The following PCNX3 variants were observed in gnomAD, a reference collection of about 807,000 sequenced individuals.
PCNX3 encodes the protein pecanex 3.
In PCNX3, 58 loss-of-function variants were observed where a neutral mutation model predicts 207.2. That is an observed-to-expected ratio of 0.28 (90% CI 0.23 to 0.35). The LOEUF is 0.35. Among genes scored for constraint, PCNX3 ranks in the 10% least tolerant of loss-of-function variants. The probability of loss-of-function intolerance (pLI) is 1.00; values close to 1 mark genes in which losing one functional copy is unlikely to be tolerated. For synonymous variants in PCNX3, 1,337 were observed against 1,183.5 expected (o/e 1.13, Z -2.66); for missense variants, 2,410 against 2,774.4 (o/e 0.87, Z 2.95).
In PCNX3 at chr11:65,618,350, C is replaced by T; in HGVS notation, c.988C>T (p.Pro330Ser). The T allele has an allele frequency of 6.2e-7, 1 of 1,612,128 alleles. No homozygotes were observed. Among genetic ancestry groups the T allele is most frequent in the East Asian group, 2.2e-5 (1 of 44,834 alleles). ...STHLDSPPGG[P>S]APEGSDTDPP... Reference sequence around the variant, plus strand: ...CCATCTGGACAGCCCCCCAGGGGGGCCAGCCCCTGAGGGCAGCGACACAGA... The same window carrying T: ...CCATCTGGACAGCCCCCCAGGGGGGTCAGCCCCTGAGGGCAGCGACACAGA... The change falls in exon 6 of 35, where the codon CCA (proline) becomes TCA (serine). Residue 330 changes from proline (P) to serine (S), a missense_variant. By Grantham distance (74) the Pro-to-Ser change is moderately conservative (BLOSUM62 -1). Coordinates refer to ENST00000355703, the MANE Select transcript of PCNX3 (RefSeq NM_032223.4).
rs2135490052 is a variant in PCNX3, at chr11:65,636,369, CTG to C, written c.5594-20_5594-19del. 1.9e-6 allele frequency: 3 copies of C among 1,579,202 alleles called. No individual in the cohort carries two copies. Among genetic ancestry groups the C allele is most frequent in the Non-Finnish European group, 2.6e-6 (3 of 1,162,262 alleles). ...GAGTGCAGCCCAGCTGAGGCCTCTG[CTG>C]TCTTATCTGTCTCCTACAGGCAATG... On this transcript the variant is annotated intron_variant, in intron 33 of 34. Coordinates refer to ENST00000355703, the MANE Select transcript of PCNX3 (RefSeq NM_032223.4).
At chr11:65,620,316 T>TCATCTCCCATACCCTGCCC (rs762493886) in intron 8 of PCNX3, 23 bp from the exon 9 acceptor site, 1 of 1,602,838 alleles carries the variant, frequency 6.2e-7, no homozygotes, top group South Asian at 1.1e-5. Context: ...CCACGCTGCC[T>TCATCTCCCATACCCTGCCC]CATCTCCCAT....
chr11:65,631,969 AC>A (rs1456587778), intron 27 of PCNX3, among the ~76,000 whole-genome samples: 1 of 150,914 alleles, frequency 6.6e-6, no homozygotes, highest in Admixed American at 6.6e-5. Context: ...TTGTGAGACC[AC>A]CCCCCTTTCA....
intron 10 of PCNX3, 107 bp from the exon 11 acceptor site, chr11:65,622,138 T>C (rs1486437412): frequency 3.4e-5 from 49 of 1,434,946 alleles, no homozygotes; most frequent in Middle Eastern, 4.2e-4. Context: ...ACCGGTGTGC[T>C]GAAGGGGGGT....
In PCNX3 at chr11:65,617,689, G is replaced by T. The variant is rs772880534; in HGVS notation, c.560G>T (p.Ser187Ile). ...TSADREMLKL[S>I]SQEKLIGDLP... Reference sequence around the variant, plus strand: ...GCCGACCGAGAGATGCTGAAGCTCAGCTCGCAGGAGAAACTGAGTGCGTGG... The same window carrying T: ...GCCGACCGAGAGATGCTGAAGCTCATCTCGCAGGAGAAACTGAGTGCGTGG... Residue 187 changes from serine to isoleucine, a missense_variant, in exon 5 of 35, where the codon AGC (serine) becomes ATC (isoleucine). Ser to Ile is a moderately radical substitution (Grantham distance 142, BLOSUM62 -2). Around this residue, in one of 8 missense-constraint regions of PCNX3, gnomAD observed 1,104 missense variants for 970.3 expected, o/e 1.14. Coordinates refer to ENST00000355703, the MANE Select transcript of PCNX3 (RefSeq NM_032223.4). 3 of 1,570,254 alleles carry T rather than the reference G, an allele frequency of 1.9e-6. No homozygotes were observed. The highest frequency in any genetic ancestry group is 3.8e-5 in the Admixed American group (2 of 52,396).
rs770141142 is a variant in PCNX3, at chr11:65,634,605, G to A, written c.4769G>A (p.Arg1590Gln). 1.2e-6 allele frequency: 2 copies of A among 1,603,150 alleles called. No individual in the cohort carries two copies. Among genetic ancestry groups the A allele is most frequent in the Non-Finnish European group, 8.5e-7 (1 of 1,178,776 alleles). Reference sequence around the variant, plus strand: ...TTTGGCCTGTGTGTGCTGGGCCGCCGGGCCCTGGGGACAGCCTCTCACAGC... The same window carrying A: ...TTTGGCCTGTGTGTGCTGGGCCGCCAGGCCCTGGGGACAGCCTCTCACAGC... Reference protein sequence around the residue: ...LCFGLCVLGRRALGTASHSMS... With the variant: ...LCFGLCVLGRQALGTASHSMS... Residue 1590 changes from arginine to glutamine, a missense_variant, in exon 29 of 35, where the codon CGG (arginine) becomes CAG (glutamine). This residue lies in a region of PCNX3 where 420 missense variants were observed against 705.3 expected (regional missense o/e 0.60). Coordinates refer to ENST00000355703, the MANE Select transcript of PCNX3 (RefSeq NM_032223.4).
chr11:65,622,438 T>C lies in PCNX3; in HGVS notation c.2357+72T>C, dbSNP rs1008930418. 12 of 1,481,948 alleles carry C rather than the reference T, an allele frequency of 8.1e-6. No homozygotes were observed. The African/African-American group carries it at 1.3e-4, about 16-fold the overall frequency. 91.8% of individuals were successfully genotyped at this position (1,481,948 alleles called of 1,614,324 possible). On this transcript the variant is annotated intron_variant, in intron 11 of 34. Coordinates refer to ENST00000355703, the MANE Select transcript of PCNX3 (RefSeq NM_032223.4). ...ACCTTGGCTCCCCAGACTCTGTACCTGTGGAGGCAGTCATGGCAGCAGAGA... is the reference window on the plus strand; with the variant it reads ...ACCTTGGCTCCCCAGACTCTGTACCCGTGGAGGCAGTCATGGCAGCAGAGA...
rs2135399732 is a variant in PCNX3, at chr11:65,617,956, G to C, written c.594G>C (p.Gln198His). The change falls in exon 6 of 35, where the codon CAG becomes CAC. Residue 198 changes from glutamine to histidine, a missense_variant. Physicochemically the swap from Gln to His is conservative, Grantham distance 24. This residue lies in a region of PCNX3 where 1,104 missense variants were observed against 970.3 expected (regional missense o/e 1.14). Transcript: ENST00000355703. ...TTTTGGCAGTTGGAGACCTTCCCCA[G>C]ACGCCTCCAGGGGCTGTCCCAGACC... Reference protein sequence around the residue: ...SQEKLIGDLPQTPPGAVPDPS... With the variant: ...SQEKLIGDLPHTPPGAVPDPS... The C allele has an allele frequency of 6.3e-7, 1 of 1,578,540 alleles. No individual in the cohort carries two copies. Among genetic ancestry groups the C allele is most frequent in the Admixed American group, 1.9e-5 (1 of 51,844 alleles).
At chr11:65,622,224 G>A (rs1398040150) in intron 10 of PCNX3, 21 bp from the exon 11 acceptor site, 1 of 1,596,508 alleles carries the variant, frequency 6.3e-7, no homozygotes, top group East Asian at 2.3e-5. Flanking sequence ...GCTGGACCAG[G>A]ACTCCCTGCA....
chr11:65,618,694 T>C lies in PCNX3; in HGVS notation c.1332T>C (p.Thr444=). 1 of 1,613,180 alleles carries C rather than the reference T, an allele frequency of 6.2e-7. No individual in the cohort carries two copies. The highest frequency in any genetic ancestry group is 8.5e-7 in the Non-Finnish European group (1 of 1,179,680). ...TCCGATCGCAGCGCCGCTACAGTAC[T>C]GACAGCTCCTCTTCTACTTCCTGCT... ...SSLRSQRRYS[T]DSSSSTSCYS... Residue 444 remains threonine (T), a synonymous_variant, in exon 6 of 35, where the codon ACT becomes ACC. Transcript: ENST00000355703.
At position 65,617,018 on chromosome 11, in the gene PCNX3, G is replaced by A; in HGVS notation, c.341+7G>A. On this transcript the variant is annotated splice_region_variant and intron_variant, in intron 2 of 34. Transcript: ENST00000355703. ...GGGACAGCAATCCACCCAGGTGGGTGGGGTAGGGGCTGTGCTGGGGATTGA... is the reference window on the plus strand; with the variant it reads ...GGGACAGCAATCCACCCAGGTGGGTAGGGTAGGGGCTGTGCTGGGGATTGA... 6.2e-7 allele frequency: 1 copy of A among 1,602,178 alleles called. No individual in the cohort carries two copies. The highest frequency in any genetic ancestry group is 8.5e-7 in the Non-Finnish European group (1 of 1,174,836).
intron 20 of PCNX3, 141 bp downstream of exon 20, chr11:65,626,195 C>A: frequency 8.3e-7 from 1 of 1,198,692 alleles, no homozygotes; most frequent in Non-Finnish European, 1.2e-6. Flanking sequence ...CCCTCCCTGC[C>A]CTCTGTGTCC....
Position 65,627,468 on chromosome 11 carries a change from C to T in PCNX3, c.3588C>T (p.Pro1196=), listed in dbSNP as rs371471793. The T allele has an allele frequency of 2.3e-5, 37 of 1,613,518 alleles. No individual in the cohort carries two copies. The East Asian group carries it at 7.8e-4, about 34-fold the overall frequency. The change falls in exon 22 of 35, where the codon CCC becomes CCT. Residue 1196 remains proline, a synonymous_variant. Transcript: ENST00000355703. ...TGCTGCGCTCAGCCTTCTGCTGCCC[C>T]CCACAGCAGTACCTGACGTTGGCCT... ...LKLLRSAFCC[P]PQQYLTLAFT... is the part of the protein sequence containing the mutation.
intron 1 of PCNX3, 90 bp downstream of exon 1, chr11:65,616,554 GGA>G (rs1266456882): frequency 2.1e-6 from 3 of 1,399,670 alleles, no homozygotes; most frequent in Non-Finnish European, 2.9e-6. Context: ...TCTGGGACGT[GGA>G]GAGAGAGGAA....
intron 27 of PCNX3, 168 bp from the exon 28 acceptor site, chr11:65,633,958 G>C: frequency 3.1e-6 from 2 of 652,780 alleles, no homozygotes; most frequent in East Asian, 2.7e-5. Flanking sequence ...CTAGGGGAAG[G>C]AGCCAACTTG....
At position 65,634,562 on chromosome 11, in the gene PCNX3, C is replaced by G; in HGVS notation, c.4726C>G (p.Pro1576Ala). The G allele has an allele frequency of 1.2e-6, 2 of 1,602,078 alleles. No individual in the cohort carries two copies. The highest frequency in any genetic ancestry group is 1.7e-6 in the Non-Finnish European group (2 of 1,177,186). The change falls in exon 29 of 35, where the codon CCG (proline) becomes GCG (alanine). Residue 1576 changes from proline to alanine, a missense_variant. Physicochemically the swap from Pro to Ala is conservative, Grantham distance 27. This residue lies in a region of PCNX3 where 420 missense variants were observed against 705.3 expected (regional missense o/e 0.60). Transcript: ENST00000355703. ...SQPVDQDWNS[P>A]LVTLCFGLCV... ...GCCCGTGGACCAGGATTGGAACTCC[C>G]CGCTGGTCACGCTGTGTTTTGGCCT...
chr11:65,624,185 G>A lies in PCNX3; in HGVS notation c.2545-10G>A, dbSNP rs373500215. On this transcript the variant is annotated splice_polypyrimidine_tract_variant and intron_variant, in intron 13 of 34. Transcript: ENST00000355703. The stretch of plus-strand genomic sequence containing the variant: ...GGGGAGACCCAGCTCCTCATGGGCT[G>A]ACCCCTCAGGGCCACAACTGGGTGA... 2 of 1,599,208 alleles carry A rather than the reference G, an allele frequency of 1.3e-6. No individual in the cohort carries two copies. Among genetic ancestry groups the A allele is most frequent in the Non-Finnish European group, 8.5e-7 (1 of 1,175,068 alleles).
At chr11:65,630,323 C>A (rs1411236666) in intron 26 of PCNX3, 28 bp from the exon 27 acceptor site, 2 of 1,608,480 alleles carry the variant, frequency 1.2e-6, no homozygotes, top group Admixed American at 3.3e-5. Flanking sequence ...GTTCTAGCAG[C>A]CCCTGACTGC....
chr11:65,620,839 A>G lies in PCNX3; in HGVS notation c.2108A>G (p.His703Arg), dbSNP rs772075556. Residue 703 changes from histidine (H) to arginine (R), a missense_variant, in exon 10 of 35, where the codon CAC (histidine) becomes CGC (arginine). This residue lies in a region of PCNX3 where 1,104 missense variants were observed against 970.3 expected (regional missense o/e 1.14). Transcript: ENST00000355703. ...EQTANGAWDR[H>R]SHSSSFHSAD... Reference sequence around the variant, plus strand: ...GGCTGCTGTTCTCACAGGGACCGACACTCGCATTCCTCCAGCTTCCACTCG... The same window carrying G: ...GGCTGCTGTTCTCACAGGGACCGACGCTCGCATTCCTCCAGCTTCCACTCG... 7.5e-6 allele frequency: 12 copies of G among 1,595,306 alleles called. No homozygotes were observed. The highest frequency in any genetic ancestry group is 4.6e-5 in the East Asian group (2 of 43,572).
Sources: gnomAD v4.1 joint callset for allele counts (sites outside exome capture counted in the v4.1 genomes callset) on GRCh38, gnomAD v4.1.1 for gene constraint, gnomAD v4.1.1 regional missense constraint, MANE v1.5 for transcripts, NCBI Gene and HGNC (gene_info 2026-07-23, HGNC 2026-07-21) for gene names.